The following SLC20A2 variants were observed in gnomAD, a reference collection of about 807,000 sequenced individuals.
The protein encoded by SLC20A2 is sodium-dependent phosphate transporter 2.
SLC20A2 carries 30 observed loss-of-function variants against 61.0 expected under a neutral mutation model. The observed-to-expected ratio is 0.49, with a 90% CI of 0.37 to 0.67. The LOEUF is 0.67. Ranked by LOEUF, SLC20A2 falls within the 30% of genes least tolerant of loss-of-function variation. The pLI is 0.00. For synonymous variants in SLC20A2, 351 were observed against 353.3 expected, an observed-to-expected ratio of 0.99 and a Z score of 0.07; for missense variants, 626 against 866.4, an observed-to-expected ratio of 0.72 and a Z score of 3.48.
intron 3 of SLC20A2, among the ~76,000 whole-genome samples, chr8:42,464,705 G>A (rs576746114): frequency 2.6e-5 from 4 of 152,260 alleles, no homozygotes; most frequent in African/African-American, 9.6e-5. Context: ...AGGTGCGGTG[G>A]CTCACACCTG....
In SLC20A2 at chr8:42,473,000, A is replaced by G. The variant is rs1240725379; in HGVS notation, c.-264-346T>C. Among the ~76,000 whole-genome samples, 1 of 152,238 alleles carries G rather than the reference A, an allele frequency of 6.6e-6. No individual in the cohort carries two copies. Among genetic ancestry groups the G allele is most frequent in the Admixed American group, 6.5e-5 (1 of 15,286 alleles). Reference sequence around the variant, plus strand: ...CAAATGAGCAAAAGATTAAGAAATGAGAAATTTAGTTGCATGGCTTTTCAA... The same window carrying G: ...CAAATGAGCAAAAGATTAAGAAATGGGAAATTTAGTTGCATGGCTTTTCAA... On this transcript the variant is annotated intron_variant, in intron 1 of 10. Coordinates refer to ENST00000520262, the MANE Select transcript of SLC20A2 (RefSeq NM_001257180.2). The surrounding 1 kb of genome is among the most constrained non-coding windows in gnomAD (Gnocchi z 4.1).
intron 1 of SLC20A2, among the ~76,000 whole-genome samples, chr8:42,516,457 G>C (rs1209257816): frequency 6.6e-6 from 1 of 152,206 alleles, no homozygotes; most frequent in Non-Finnish European, 1.5e-5. Context: ...GGCTTGGCTT[G>C]AAGGGTTCCC....
intron 6 of SLC20A2, among the ~76,000 whole-genome samples, chr8:42,442,502 A>C (rs997961338): frequency 6.6e-6 from 1 of 152,230 alleles, no homozygotes; most frequent in Non-Finnish European, 1.5e-5. Context: ...ACCTTTGTTT[A>C]AAATCCATTT....
chr8:42,426,466 C>A (rs1258144573), intron 10 of SLC20A2, among the ~76,000 whole-genome samples: 1 of 152,176 alleles, frequency 6.6e-6, no homozygotes, highest in Non-Finnish European at 1.5e-5. Flanking sequence ...GAGGCTGAGG[C>A]AGGCAGATCA....
chr8:42,505,172 A>G (rs6988113), upstream of SLC20A2, among the ~76,000 whole-genome samples: 85,623 of 150,928 alleles, frequency 0.57, 24,897 homozygotes, highest in African/African-American at 0.7. Context: ...GCAGTGACAC[A>G]ATCTTGGTTC....
At chr8:42,529,136 A>G (rs979403483) in intron 1 of SLC20A2, among the ~76,000 whole-genome samples, 2 of 151,986 alleles carry the variant, frequency 1.3e-5, no homozygotes, top group Non-Finnish European at 2.9e-5. Context: ...CACCACACCC[A>G]GCTAATTTTT....
At chr8:42,456,987 G>C (rs1224772774) in intron 5 of SLC20A2, among the ~76,000 whole-genome samples, 1 of 151,874 alleles carries the variant, frequency 6.6e-6, no homozygotes, top group East Asian at 2.0e-4. Flanking sequence ...GCAGTGGCGG[G>C]ATCTCGGCTC....
chr8:42,488,998 G>T (rs1809290216), intron 1 of SLC20A2, among the ~76,000 whole-genome samples: 1 of 135,554 alleles, frequency 7.4e-6, no homozygotes, highest in Non-Finnish European at 1.5e-5. Flanking sequence ...GGAATGCAAT[G>T]GTGCAGTCTT....
rs1385054308 is a variant in SLC20A2 at position 42,438,067 on chromosome 8, A to AC, written c.935-491_935-490insG. Among the ~76,000 whole-genome samples the AC allele has an allele frequency of 3.4e-4, 49 of 142,436 alleles. 3 individuals carry two copies. The highest frequency in any genetic ancestry group is 1.2e-3 in the East Asian group (6 of 4,808). The allele number at this position is 142,436 out of a possible 152,430, so 93.4% of individuals were successfully genotyped here. A position where few individuals can be genotyped will look rare whatever the true frequency, so the allele number is the denominator to read the frequency against. ...GTTACCACTAAAAAAAAAAACCAAA[A>AC]AAAAAAAAAAAAAAAAAAAAAACAT... On this transcript the variant is annotated intron_variant, in intron 7 of 10. Coordinates refer to ENST00000520262, the MANE Select transcript of SLC20A2 (RefSeq NM_001257180.2).
intron 1 of SLC20A2, among the ~76,000 whole-genome samples, chr8:42,518,543 G>A (rs1465113181): frequency 6.6e-6 from 1 of 152,188 alleles, no homozygotes; most frequent in Non-Finnish European, 1.5e-5. Flanking sequence ...TTGGAGTACA[G>A]AAACAGGTGG....
intron 8 of SLC20A2, among the ~76,000 whole-genome samples, chr8:42,432,091 A>T (rs780555645): frequency 3.3e-4 from 51 of 152,352 alleles, no homozygotes; most frequent in African/African-American, 9.1e-4. Flanking sequence ...TAGAGCTGCC[A>T]TAGATAGTGA....
At chr8:42,513,245 C>G (rs1811125569) in intron 1 of SLC20A2, among the ~76,000 whole-genome samples, 4 of 152,184 alleles carry the variant, frequency 2.6e-5, no homozygotes, top group Admixed American at 2.0e-4. Flanking sequence ...GTCTGGAGAA[C>G]TGTCCATATA....
chr8:42,471,710 G>GA (rs1485325236), intron 2 of SLC20A2, among the ~76,000 whole-genome samples: 1 of 152,000 alleles, frequency 6.6e-6, no homozygotes, highest in Non-Finnish European at 1.5e-5. Flanking sequence ...AAAACCTTAA[G>GA]AAAAAAATCT....
chr8:42,428,241 C>T lies in SLC20A2; in HGVS notation c.1794+517G>A, dbSNP rs149779127. ...TCCAGCTGCAGGTTTCAGAGCACTC[C>T]GCAGTGGTCAGTATCAGCAATTACC... On this transcript the variant is annotated intron_variant, in intron 10 of 10. Coordinates refer to ENST00000520262, the MANE Select transcript of SLC20A2 (RefSeq NM_001257180.2). Among the ~76,000 whole-genome samples, 1,104 of 152,328 alleles carry T rather than the reference C, an allele frequency of 7.2e-3. 11 individuals carry two copies. The highest frequency in any genetic ancestry group is 0.036 in the South Asian group (172 of 4,828).
intron 1 of SLC20A2, among the ~76,000 whole-genome samples, chr8:42,531,897 C>T (rs906115171): frequency 1.3e-5 from 2 of 151,618 alleles, no homozygotes; most frequent in Admixed American, 6.6e-5. Context: ...CAGCTCACTG[C>T]AACCTCGGCC....
At chr8:42,510,924 T>C (rs1352308949) in intron 1 of SLC20A2, among the ~76,000 whole-genome samples, 1 of 151,902 alleles carries the variant, frequency 6.6e-6, no homozygotes, top group Non-Finnish European at 1.5e-5. Context: ...ATATATTTTA[T>C]ATGTAAGCTA....
chr8:42,505,606 A>G (rs1430319314), upstream of SLC20A2, among the ~76,000 whole-genome samples: 1 of 152,210 alleles, frequency 6.6e-6, no homozygotes, highest in African/African-American at 2.4e-5. Flanking sequence ...TGAAGTTTCT[A>G]TTCTGAGCTA....
chr8:42,491,792 T>G (rs1305888543), intron 1 of SLC20A2, among the ~76,000 whole-genome samples: 1 of 152,232 alleles, frequency 6.6e-6, no homozygotes, highest in Non-Finnish European at 1.5e-5. Flanking sequence ...AGACATTTTC[T>G]TTCTTCTTTT....
chr8:42,420,124 T>A (rs768309697), intron 10 of SLC20A2, among the ~76,000 whole-genome samples: 11 of 151,518 alleles, frequency 7.3e-5, no homozygotes, highest in African/African-American at 1.2e-4. Flanking sequence ...AGGTGGAGGT[T>A]GCAGTGAGCC....
Sources: gnomAD v4.1 joint callset for allele counts (sites outside exome capture counted in the v4.1 genomes callset) on GRCh38, gnomAD v4.1.1 for gene constraint, Gnocchi (gnomAD v3.1) non-coding constraint, MANE v1.5 for transcripts, NCBI Gene and HGNC (gene_info 2026-07-23, HGNC 2026-07-21) for gene names.